Variants in UTRN observed in about 807,000 individuals in gnomAD.
UTRN encodes the protein utrophin, also known as dystrophin-related protein 1.
In UTRN, 283 loss-of-function variants were observed where a neutral mutation model predicts 463.9. That is an observed-to-expected ratio of 0.61 (90% CI 0.55 to 0.67). The LOEUF (loss-of-function observed/expected upper bound fraction) is 0.67. Ranked by LOEUF, UTRN falls within the 30% of genes least tolerant of loss-of-function variation. The pLI, the probability that UTRN is intolerant of heterozygous loss-of-function variation, is 0.00. For missense variants in UTRN, 3,922 were observed against 4,084.3 expected, an observed-to-expected ratio of 0.96 and a Z score of 1.08; for synonymous variants, 1,442 against 1,431.5, an observed-to-expected ratio of 1.01 and a Z score of -0.17.
intron 2 of UTRN, among the ~76,000 whole-genome samples, chr6:144,302,802 T>C (rs1234190257): frequency 6.6e-6 from 1 of 152,134 alleles, no homozygotes; most frequent in African/African-American, 2.4e-5. Context: ...GAATTTGAGG[T>C]GTGCCTTGAA....
intron 3 of UTRN, among the ~76,000 whole-genome samples, chr6:144,404,976 G>T (rs546138923): frequency 4.6e-5 from 7 of 152,300 alleles, no homozygotes; most frequent in Admixed American, 4.6e-4. Context: ...TAAGTCCCAT[G>T]TAAATTGTTT....
intron 52 of UTRN, among the ~76,000 whole-genome samples, chr6:144,683,254 C>G (rs985135396): frequency 6.6e-6 from 1 of 152,176 alleles, no homozygotes; most frequent in Non-Finnish European, 1.5e-5. Context: ...TAGAAAAGAA[C>G]TCAGTATCTT....
At chr6:144,439,774 A>T (rs978114642) in intron 12 of UTRN, among the ~76,000 whole-genome samples, 1 of 152,218 alleles carries the variant, frequency 6.6e-6, no homozygotes, top group African/African-American at 2.4e-5. Context: ...AAGTGCTGGG[A>T]TTACAGGTGT....
intron 58 of UTRN, among the ~76,000 whole-genome samples, chr6:144,768,786 C>T (rs2128731348): frequency 6.6e-6 from 1 of 152,190 alleles, no homozygotes; most frequent in Non-Finnish European, 1.5e-5. Flanking sequence ...TTAAGCTTTG[C>T]AGGATACCCA....
chr6:144,573,078 T>C (rs1218734861), intron 50 of UTRN, among the ~76,000 whole-genome samples: 1 of 152,196 alleles, frequency 6.6e-6, no homozygotes, highest in Non-Finnish European at 1.5e-5. Context: ...GACTTTTTAG[T>C]AATTGCCATT....
At chr6:144,527,916 A>T (rs1276293040) in intron 41 of UTRN, among the ~76,000 whole-genome samples, 1 of 151,278 alleles carries the variant, frequency 6.6e-6, no homozygotes, top group Non-Finnish European at 1.5e-5. Context: ...TTTAAGTTGG[A>T]CTTCACCTTT....
intron 2 of UTRN, among the ~76,000 whole-genome samples, chr6:144,334,665 G>A (rs897762671): frequency 2.0e-5 from 3 of 152,212 alleles, no homozygotes; most frequent in Admixed American, 2.0e-4. Context: ...AGGAGGTATT[G>A]CATAGTATCA....
At chr6:144,517,453 C>T (rs1267548869) in intron 39 of UTRN, among the ~76,000 whole-genome samples, 6 of 151,816 alleles carry the variant, frequency 4.0e-5, no homozygotes, top group Non-Finnish European at 8.8e-5. Flanking sequence ...CTATGTCAGT[C>T]TCCCAAGTTG....
intron 42 of UTRN, 54 bp downstream of exon 42, chr6:144,531,256 G>A (rs1220417155): frequency 6.9e-7 from 1 of 1,450,950 alleles, no homozygotes; most frequent in Non-Finnish European, 9.2e-7. Flanking sequence ...GTGTATGCCT[G>A]TTAAGACAGA....
intron 48 of UTRN, 64 bp from the exon 49 acceptor site, chr6:144,554,623 TA>T: frequency 6.5e-7 from 1 of 1,534,242 alleles, no homozygotes; most frequent in Non-Finnish European, 8.9e-7. Flanking sequence ...TGATATATGA[TA>T]TTTTTTCTTT....
At chr6:144,733,728 T>G (rs1329113311) in intron 54 of UTRN, among the ~76,000 whole-genome samples, 1 of 152,126 alleles carries the variant, frequency 6.6e-6, no homozygotes, top group Non-Finnish European at 1.5e-5. Context: ...ATATACAATA[T>G]TAGAATGGTT....
intron 13 of UTRN, among the ~76,000 whole-genome samples, chr6:144,442,030 T>C (rs1450166073): frequency 6.6e-6 from 1 of 152,150 alleles, no homozygotes; most frequent in Non-Finnish European, 1.5e-5. Flanking sequence ...CTCCTAGGCC[T>C]CTGGGCTTGT....
intron 2 of UTRN, among the ~76,000 whole-genome samples, chr6:144,355,186 C>T (rs981650909): frequency 2.6e-5 from 4 of 152,026 alleles, no homozygotes; most frequent in South Asian, 2.1e-4. Flanking sequence ...GATCAAAAGC[C>T]GCTTGAAGGA....
intron 58 of UTRN, among the ~76,000 whole-genome samples, chr6:144,760,543 G>A (rs1282481912): frequency 6.6e-6 from 1 of 152,036 alleles, no homozygotes; most frequent in Non-Finnish European, 1.5e-5. Context: ...CTTTCATTGT[G>A]TAATTTAACA....
chr6:144,371,332 CT>C (rs555780611), intron 2 of UTRN, among the ~76,000 whole-genome samples: 61 of 152,240 alleles, frequency 4.0e-4, no homozygotes, highest in South Asian at 2.1e-3. Flanking sequence ...TTAAATCCCC[CT>C]ATTACCCATT....
At chr6:144,410,718 T>C (rs1026733524) in intron 3 of UTRN, among the ~76,000 whole-genome samples, 59 of 152,280 alleles carry the variant, frequency 3.9e-4, no homozygotes, top group African/African-American at 1.4e-3. Flanking sequence ...AATAATGGTC[T>C]CCAGTTTCAT....
At chr6:144,435,881 A>G (rs1786489207) in intron 9 of UTRN, 54 bp from the exon 10 acceptor site, 2 of 1,585,158 alleles carry the variant, frequency 1.3e-6, no homozygotes, top group African/African-American at 2.7e-5. Context: ...GAGTTTGCTG[A>G]ACACCTCTTG....
intron 17 of UTRN, among the ~76,000 whole-genome samples, chr6:144,449,433 C>A (rs1312501404): frequency 6.6e-6 from 1 of 152,132 alleles, no homozygotes; most frequent in African/African-American, 2.4e-5. Flanking sequence ...AGAATGTAGA[C>A]ACCTGTTCCT....
chr6:144,668,666 A>G lies in UTRN; in HGVS notation c.7480-9740A>G, dbSNP rs974068174. On this transcript the variant is annotated intron_variant, in intron 51 of 74. Coordinates refer to ENST00000367545, the MANE Select transcript of UTRN (RefSeq NM_007124.3). The stretch of plus-strand genomic sequence containing the variant: ...CTAGGTGGGTCTTCACCTGATGGCA[A>G]GGGCAGGGCAGCTCTCTGGGGCTTC... 3.9e-5 allele frequency among the ~76,000 whole-genome samples: 6 copies of G among 152,146 alleles called. No homozygotes were observed. The East Asian group carries it at 1.2e-3, about 29-fold the overall frequency.
Sources: gnomAD v4.1 joint callset for allele counts (sites outside exome capture counted in the v4.1 genomes callset) on GRCh38, gnomAD v4.1.1 for gene constraint, MANE v1.5 for transcripts, NCBI Gene and HGNC (gene_info 2026-07-23, HGNC 2026-07-21) for gene names.